The following RNF111 variants were observed in gnomAD, a reference collection of about 807,000 sequenced individuals.
RNF111 encodes E3 ubiquitin-protein ligase Arkadia.
In RNF111, 17 loss-of-function variants were observed where a neutral mutation model predicts 95.1. That is an observed-to-expected ratio of 0.18 (90% CI 0.12 to 0.27). The LOEUF (loss-of-function observed/expected upper bound fraction) is 0.27, where lower values mean the gene tolerates loss of function less well. RNF111 is among the 10% of genes least tolerant of loss of function. The pLI, the probability that RNF111 is intolerant of heterozygous loss-of-function variation, is 1.00. For missense variants in RNF111, 1,189 were observed against 1,210.4 expected (o/e 0.98, Z 0.26); for synonymous variants, 440 against 414.8 (o/e 1.06, Z -0.74).
intron 6 of RNF111, among the ~76,000 whole-genome samples, chr15:59,071,191 G>A (rs1048511074): frequency 6.6e-6 from 1 of 151,726 alleles, no homozygotes; most frequent in Non-Finnish European, 1.5e-5. Flanking sequence ...CCAGCTACTC[G>A]GGAGGCTGAG....
intron 10 of RNF111, among the ~76,000 whole-genome samples, chr15:59,087,735 G>A (rs2078937807): frequency 2.6e-5 from 4 of 152,168 alleles, no homozygotes; most frequent in East Asian, 1.9e-4. Context: ...GCTGTCTCTG[G>A]GGTGGCAGAG....
rs1235268377 is a variant in RNF111, at chr15:59,058,476, G to A, written c.1292G>A (p.Ser431Asn). The A allele has an allele frequency of 1.9e-6, 3 of 1,613,962 alleles. No individual in the cohort carries two copies. The highest frequency in any genetic ancestry group is 2.5e-6 in the Non-Finnish European group (3 of 1,180,004). ...TCTGATACTGCTTCAGCTGTCACCA[G>A]TAGCCAACCTTCCACAGTGTCAGAG... Reference protein sequence around the residue: ...QASDTASAVTSSQPSTVSETS... With the variant: ...QASDTASAVTNSQPSTVSETS... Residue 431 changes from serine (S) to asparagine (N), a missense_variant, in exon 5 of 14, where the codon AGT becomes AAT. Ser to Asn is a conservative substitution (Grantham distance 46). Transcript: ENST00000348370.
intron 5 of RNF111, among the ~76,000 whole-genome samples, chr15:59,065,259 T>A (rs1456114164): frequency 1.3e-5 from 2 of 152,180 alleles, no homozygotes; most frequent in African/African-American, 4.8e-5. Context: ...GTTTTAAAAA[T>A]CTCTTTTATA....
rs1282918132 is a variant in RNF111 at position 59,058,439 on chromosome 15, T to G, written c.1255T>G (p.Ser419Ala). Residue 419 changes from serine (S) to alanine (A), a missense_variant, in exon 5 of 14, where the codon TCT becomes GCT. Physicochemically the swap from Ser to Ala is moderately conservative, Grantham distance 99 (BLOSUM62 1). Coordinates refer to ENST00000348370, the MANE Select transcript of RNF111 (RefSeq NM_017610.8). Reference protein sequence around the residue: ...ASINNSNPSTSEQASDTASAV... With the variant: ...ASINNSNPSTAEQASDTASAV... ...CATTAACAATTCAAATCCATCTACC[T>G]CTGAGCAGGCCTCTGATACTGCTTC... 2 of 1,614,000 alleles carry G rather than the reference T, an allele frequency of 1.2e-6. No individual in the cohort carries two copies. The highest frequency in any genetic ancestry group is 1.7e-6 in the Non-Finnish European group (2 of 1,180,010).
chr15:59,047,211 T>G (rs1034865959), intron 2 of RNF111, among the ~76,000 whole-genome samples: 2 of 152,170 alleles, frequency 1.3e-5, no homozygotes, highest in African/African-American at 4.8e-5. Context: ...GCTAATAAAA[T>G]TAGGCTTGGC....
At chr15:59,033,114 G>C (rs536327292) in intron 2 of RNF111, among the ~76,000 whole-genome samples, 25 of 152,162 alleles carry the variant, frequency 1.6e-4, no homozygotes, top group African/African-American at 6.0e-4. Context: ...AGGGTAATGG[G>C]CCTAGGGAGA....
At chr15:59,004,821 A>C (rs1240319980) in intron 1 of RNF111, among the ~76,000 whole-genome samples, 4 of 152,228 alleles carry the variant, frequency 2.6e-5, no homozygotes, top group African/African-American at 9.7e-5. Flanking sequence ...TATCAGAGAA[A>C]GAGTAGGTTT....
At chr15:59,047,223 C>T (rs951342858) in intron 2 of RNF111, among the ~76,000 whole-genome samples, 19 of 152,120 alleles carry the variant, frequency 1.2e-4, no homozygotes, top group African/African-American at 4.6e-4. Context: ...AGGCTTGGCA[C>T]GGTGGCTCAC....
intron 7 of RNF111, among the ~76,000 whole-genome samples, chr15:59,076,576 A>G (rs1479951683): frequency 1.3e-5 from 2 of 152,188 alleles, no homozygotes; most frequent in Non-Finnish European, 2.9e-5. Flanking sequence ...AAATATAACC[A>G]TGGTTGGGCA....
intron 5 of RNF111, among the ~76,000 whole-genome samples, chr15:59,059,201 G>C (rs746249351): frequency 4.6e-5 from 7 of 152,112 alleles, no homozygotes; most frequent in Non-Finnish European, 8.8e-5. Context: ...AATGAGAAAA[G>C]ATTTGAATAG....
chr15:59,049,910 T>G (rs1398266954), intron 2 of RNF111, among the ~76,000 whole-genome samples: 1 of 150,832 alleles, frequency 6.6e-6, no homozygotes, highest in Non-Finnish European at 1.5e-5. Flanking sequence ...CCCGGCTAAT[T>G]TTTGTGTTTT....
At chr15:59,058,188 G>A (rs958127163) in intron 4 of RNF111, among the ~76,000 whole-genome samples, 168 bp from the exon 5 acceptor site, 4 of 152,114 alleles carry the variant, frequency 2.6e-5, no homozygotes, top group South Asian at 2.1e-4. Flanking sequence ...ACGTCTGTTC[G>A]ATATTGCAGT....
Position 59,052,192 on chromosome 15 carries a change from A to C in RNF111, c.881-113A>C, listed in dbSNP as rs1566912892. ...TTTTAAAAAACCTTTTTGACAGATAAGATTTTTATTTTTGCAATGAATTTC... is the reference window on the plus strand; with the variant it reads ...TTTTAAAAAACCTTTTTGACAGATACGATTTTTATTTTTGCAATGAATTTC... On this transcript the variant is annotated intron_variant, in intron 2 of 13. Coordinates refer to ENST00000348370, the MANE Select transcript of RNF111 (RefSeq NM_017610.8). 6 of 967,540 alleles carry C rather than the reference A, an allele frequency of 6.2e-6. No individual in the cohort carries two copies. The Middle Eastern group carries it at 1.1e-3, about 184-fold the overall frequency. The allele number at this position is 967,540 out of a possible 1,614,324, so 59.9% of individuals were successfully genotyped here.
At chr15:59,046,547 CT>C (rs1173172182) in intron 2 of RNF111, among the ~76,000 whole-genome samples, 2 of 152,088 alleles carry the variant, frequency 1.3e-5, no homozygotes, top group Non-Finnish European at 2.9e-5. Flanking sequence ...AAATTTAGAC[CT>C]TTTACCTGTT....
At chr15:59,041,358 A>G (rs1468989516) in intron 2 of RNF111, among the ~76,000 whole-genome samples, 1 of 152,206 alleles carries the variant, frequency 6.6e-6, no homozygotes, top group Non-Finnish European at 1.5e-5. Flanking sequence ...ATTCAAGACC[A>G]GCCCGACCAA....
chr15:59,075,389 A>G (rs534596029), intron 6 of RNF111, among the ~76,000 whole-genome samples: 1 of 152,360 alleles, frequency 6.6e-6, no homozygotes, highest in African/African-American at 2.4e-5. Flanking sequence ...TTGAGTGGCA[A>G]AGGTAATTCA....
intron 13 of RNF111, among the ~76,000 whole-genome samples, chr15:59,094,556 G>C (rs1213643064): frequency 7.9e-5 from 12 of 152,040 alleles, no homozygotes; most frequent in Non-Finnish European, 2.9e-5. Context: ...TGTTCTTACA[G>C]TTTTTAAGAT....
chr15:59,029,421 C>A (rs1239453064), intron 1 of RNF111, among the ~76,000 whole-genome samples: 1 of 152,132 alleles, frequency 6.6e-6, no homozygotes, highest in Non-Finnish European at 1.5e-5. Flanking sequence ...CTACAGATAG[C>A]GCGTGATGGC....
intron 13 of RNF111, among the ~76,000 whole-genome samples, chr15:59,093,187 G>A (rs752703105): frequency 4.6e-5 from 7 of 152,128 alleles, no homozygotes; most frequent in African/African-American, 1.7e-4. Context: ...ACAAGGTTTG[G>A]CCAGGGAAAT....
Sources: allele counts gnomAD v4.1 joint callset (sites outside exome capture counted in the v4.1 genomes callset), GRCh38; gene constraint gnomAD v4.1.1; transcripts MANE v1.5; gene names NCBI Gene and HGNC (gene_info 2026-07-23, HGNC 2026-07-21).